Variants in COL4A3 observed in about 807,000 individuals in gnomAD.
COL4A3 encodes collagen alpha-3(IV) chain.
Under a neutral mutation model 217.4 loss-of-function variants are expected in COL4A3, and 135 were observed. That is an observed-to-expected ratio of 0.62 (90% CI 0.54 to 0.72). The LOEUF is 0.72. Among genes scored for constraint, COL4A3 ranks in the 30% least tolerant of loss-of-function variants. The pLI, the probability that COL4A3 is intolerant of heterozygous loss-of-function variation, is 0.00. For missense variants in COL4A3, 1,868 were observed against 2,119.9 expected (o/e 0.88, Z 2.33); for synonymous variants, 690 against 736.3 (o/e 0.94, Z 1.02).
At chr2:227,311,239 C>CTA (rs1024404583) in intron 51 of COL4A3, among the ~76,000 whole-genome samples, 63 of 152,208 alleles carry the variant, frequency 4.1e-4, no homozygotes, top group African/African-American at 1.4e-3. Context: ...AAAAGATGAT[C>CTA]TATAAGTTTT....
At chr2:227,227,141 C>T (rs1401069517) in intron 1 of COL4A3, among the ~76,000 whole-genome samples, 1 of 152,226 alleles carries the variant, frequency 6.6e-6, no homozygotes, top group Non-Finnish European at 1.5e-5. Context: ...CTGCAAGCTG[C>T]TGTCTGCCAA....
chr2:227,303,075 G>T lies in COL4A3; in HGVS notation c.3920G>T (p.Gly1307Val). The T allele has an allele frequency of 6.2e-7, 1 of 1,613,998 alleles. No homozygotes were observed. Residue 1307 changes from glycine to valine, a missense_variant, in exon 44 of 52, where the codon GGT becomes GTT. By Grantham distance (109) the Gly-to-Val change is moderately radical (BLOSUM62 -3). Coordinates refer to ENST00000396578, the MANE Select transcript of COL4A3 (RefSeq NM_000091.5). ...ACTCCAGGTCTTCCAGGACCCAGAG[G>T]TGATCCTGGATTCCAGGGGTTTCCA... is the stretch of plus-strand genomic sequence containing the variant. The part of the protein sequence containing the change: ...PGTPGLPGPR[G>V]DPGFQGFPGV...
At chr2:227,252,588 ACAC>A (rs2069835535) in intron 11 of COL4A3, among the ~76,000 whole-genome samples, 1 of 1,568 alleles carries the variant, frequency 6.4e-4, no homozygotes, top group African/African-American at 2.5e-3. Context: ...ACACAAATGC[ACAC>A]ACACACACAC....
chr2:227,249,572 T>C (rs1050779480), intron 9 of COL4A3, among the ~76,000 whole-genome samples: 4 of 152,046 alleles, frequency 2.6e-5, no homozygotes, highest in African/African-American at 7.2e-5. Context: ...TTCAGAATTA[T>C]ATGTAAAAAT....
At chr2:227,226,475 G>GC (rs2068097461) in intron 1 of COL4A3, among the ~76,000 whole-genome samples, 1 of 144,100 alleles carries the variant, frequency 6.9e-6, no homozygotes, top group Non-Finnish European at 1.5e-5. Flanking sequence ...TGTTAGGTTT[G>GC]TTTTTTTTTT....
At chr2:227,203,325 G>GTATATATGTGTATA (rs2066905927) in intron 1 of COL4A3, among the ~76,000 whole-genome samples, 1 of 70,812 alleles carries the variant, frequency 1.4e-5, no homozygotes. Flanking sequence ...ACATATATGT[G>GTATATATGTGTATA]TATACATACA....
At chr2:227,222,664 T>C (rs2067874812) in intron 1 of COL4A3, 1 of 152,238 alleles carries the variant, frequency 6.6e-6, no homozygotes. Context: ...AGGGAGGTAG[T>C]CTTTCAAGAC....
At chr2:227,194,879 T>C (rs931848597) in intron 1 of COL4A3, among the ~76,000 whole-genome samples, 1 of 152,026 alleles carries the variant, frequency 6.6e-6, no homozygotes, top group Admixed American at 6.5e-5. Flanking sequence ...AAGAGACACA[T>C]ACAGGCAAAA....
chr2:227,241,754 C>G (rs1410194805), intron 3 of COL4A3, among the ~76,000 whole-genome samples: 1 of 152,054 alleles, frequency 6.6e-6, no homozygotes, highest in Non-Finnish European at 1.5e-5. Flanking sequence ...AAGCCAAAGC[C>G]AACCTACTGC....
intron 24 of COL4A3, among the ~76,000 whole-genome samples, chr2:227,270,512 G>C (rs1178366728): frequency 1.3e-5 from 2 of 152,154 alleles, no homozygotes; most frequent in Non-Finnish European, 2.9e-5. Flanking sequence ...CTGTATTATG[G>C]TGATTGTTCT....
rs532118512 is a variant in COL4A3 at position 227,299,728 on chromosome 2, A to G, written c.3882+916A>G. Among the ~76,000 whole-genome samples the G allele has an allele frequency of 2.0e-5, 3 of 152,322 alleles. No individual in the cohort carries two copies. In the South Asian group the frequency reaches 6.2e-4, roughly 32 times the overall value. Reference sequence around the variant, plus strand: ...GAACACAGTCCAGAAGTTTCTGAAAATCAAAAAATCTTCAGAGTTGGAATG... The same window carrying G: ...GAACACAGTCCAGAAGTTTCTGAAAGTCAAAAAATCTTCAGAGTTGGAATG... On this transcript the variant is annotated intron_variant, in intron 43 of 51. Coordinates refer to ENST00000396578, the MANE Select transcript of COL4A3 (RefSeq NM_000091.5).
In COL4A3 at chr2:227,282,755, T is replaced by C. The variant is rs1286244305; in HGVS notation, c.2656+223T>C. 6.6e-6 allele frequency among the ~76,000 whole-genome samples: 1 copy of C among 152,208 alleles called. No homozygotes were observed. The highest frequency in any genetic ancestry group is 6.5e-5 in the Admixed American group (1 of 15,280). On this transcript the variant is annotated intron_variant, in intron 32 of 51. Transcript: ENST00000396578. This position sits in a 1 kb window ranked among gnomAD's most constrained non-coding sequence, Gnocchi z 4.4. ...GGCTATTTTTGCTGTGTAATCCTTT[T>C]TATATACGACTACTATAATATACTT...
At position 227,246,668 on chromosome 2, in the gene COL4A3, CT is replaced by C. The variant is rs2069359445; in HGVS notation, c.388-14del. The C allele has an allele frequency of 6.2e-7, 1 of 1,601,410 alleles. No homozygotes were observed. Among genetic ancestry groups the C allele is most frequent in the African/African-American group, 1.3e-5 (1 of 74,606 alleles). ...TAGAACAACTAAGAATAATAAGAAA[CT>C]TTGTATGTCTTTTAGGGTGAGCAGG... On this transcript the variant is annotated splice_polypyrimidine_tract_variant and intron_variant, in intron 6 of 51. Coordinates refer to ENST00000396578, the MANE Select transcript of COL4A3 (RefSeq NM_000091.5).
intron 1 of COL4A3, among the ~76,000 whole-genome samples, chr2:227,185,526 G>A (rs2066003160): frequency 6.6e-6 from 1 of 152,216 alleles, no homozygotes; most frequent in South Asian, 2.1e-4. Context: ...AATGACAACT[G>A]TAGGTTTAAG....
intron 45 of COL4A3, 43 bp from the exon 46 acceptor site, chr2:227,303,976 C>A: frequency 6.2e-7 from 1 of 1,614,240 alleles, no homozygotes; most frequent in Non-Finnish European, 8.5e-7. Flanking sequence ...AAAGGTAACA[C>A]ATCCGTGAGG....
At chr2:227,229,796 C>T (rs34628999) in intron 1 of COL4A3, among the ~76,000 whole-genome samples, 27,413 of 152,004 alleles carry the variant, frequency 0.18, 2,612 homozygotes, top group Middle Eastern at 0.25. Context: ...CGCCTGTAAT[C>T]CCAGCACTGT....
intron 1 of COL4A3, among the ~76,000 whole-genome samples, chr2:227,169,917 A>AT (rs2065416353): frequency 6.6e-6 from 1 of 152,150 alleles, no homozygotes; most frequent in African/African-American, 2.4e-5. Flanking sequence ...CTATGTTTAT[A>AT]TTAAATCTAT....
intron 1 of COL4A3, among the ~76,000 whole-genome samples, chr2:227,176,156 A>C (rs188103114): frequency 5.3e-5 from 8 of 152,332 alleles, no homozygotes; most frequent in Admixed American, 5.2e-4. Flanking sequence ...GCAATTGCTC[A>C]GTCTGTCCCG....
rs1160105048 is a variant in COL4A3 at position 227,263,894 on chromosome 2, G to A, written c.1265G>A (p.Cys422Tyr). ...ATGGGGACTCCTGGGTCCCCAGGTTGTGCTGGTTCACCAGGTCTTCCAGGA... is the reference window on the plus strand; with the variant it reads ...ATGGGGACTCCTGGGTCCCCAGGTTATGCTGGTTCACCAGGTCTTCCAGGA... ...DAMGTPGSPG[C>Y]AGSPGLPGSP... is the part of the protein sequence containing the mutation. The change falls in exon 21 of 52, where the codon TGT becomes TAT. Residue 422 changes from cysteine (C) to tyrosine (Y), a missense_variant. Physicochemically the swap from Cys to Tyr is radical, Grantham distance 194. Coordinates refer to ENST00000396578, the MANE Select transcript of COL4A3 (RefSeq NM_000091.5). 4.3e-6 allele frequency: 7 copies of A among 1,614,206 alleles called. No individual in the cohort carries two copies. The Admixed American group carries it at 8.3e-5, about 19-fold the overall frequency.
Sources: allele counts gnomAD v4.1 joint callset (sites outside exome capture counted in the v4.1 genomes callset), GRCh38; gene constraint gnomAD v4.1.1; non-coding constraint Gnocchi (gnomAD v3.1); transcripts MANE v1.5; gene names NCBI Gene and HGNC (gene_info 2026-07-23, HGNC 2026-07-21).